NEB: variants seen among roughly 807,000 people sequenced by gnomAD.
NEB encodes the protein nemaline myopathy type 2.
NEB carries 512 observed loss-of-function variants against 952.2 expected under a neutral mutation model. The observed-to-expected ratio is 0.54, with a 90% CI of 0.50 to 0.58. The LOEUF is 0.58. Ranked by LOEUF, NEB falls within the 20% of genes least tolerant of loss-of-function variation. NEB has a pLI of 0.00. For synonymous variants in NEB, 2,900 were observed against 3,149.8 expected (o/e 0.92, Z 2.66); for missense variants, 8,428 against 9,231.1 (o/e 0.91, Z 3.56).
At position 151,490,389 on chromosome 2, in the gene NEB, A is replaced by G; in HGVS notation, c.25280T>C (p.Val8427Ala). The G allele has an allele frequency of 1.3e-6, 2 of 1,591,476 alleles. No individual in the cohort carries two copies. Among genetic ancestry groups the G allele is most frequent in the Non-Finnish European group, 1.7e-6 (2 of 1,168,014 alleles). Residue 8427 changes from valine (V) to alanine (A), a missense_variant, in exon 180 of 182, where the codon GTC becomes GCC. By Grantham distance (64) the Val-to-Ala change is moderately conservative. Coordinates refer to ENST00000397345, the MANE Select transcript of NEB (RefSeq NM_001164508.2). ...HHLSTYSDGGVFAVSTAYKHA... is the reference protein window; with the variant it reads ...HHLSTYSDGGAFAVSTAYKHA... Reference sequence around the variant, plus strand: ...ACTTGTACCTGTTGAGACTGCAAAGACACCCCCGTCGCTGTAAGTCGAAAG... The same window carrying G: ...ACTTGTACCTGTTGAGACTGCAAAGGCACCCCCGTCGCTGTAAGTCGAAAG...
At chr2:151,672,036 A>G (rs753503996) in intron 37 of NEB, among the ~76,000 whole-genome samples, 2 of 151,944 alleles carry the variant, frequency 1.3e-5, no homozygotes, top group African/African-American at 4.8e-5. Context: ...AAATTCTTCT[A>G]TTTTTGCATT....
chr2:151,551,221 A>G (rs2095314640), intron 129 of NEB, among the ~76,000 whole-genome samples: 1 of 151,828 alleles, frequency 6.6e-6, no homozygotes. Context: ...TGCCCGCCTC[A>G]GCCTCCCAAA....
At chr2:151,697,697 G>A (rs746396853) in intron 13 of NEB, 49 bp from the exon 14 acceptor site, 14 of 1,171,274 alleles carry the variant, frequency 1.2e-5, no homozygotes, top group East Asian at 4.7e-5. Flanking sequence ...TCACTCCCAC[G>A]CTGATTATAA....
intron 173 of NEB, 46 bp downstream of exon 173, chr2:151,496,230 A>AGTT: frequency 6.8e-7 from 1 of 1,467,782 alleles, no homozygotes; most frequent in East Asian, 2.4e-5. Flanking sequence ...TCATAAAAGT[A>AGTT]GTTTTTAAAA....
At chr2:151,675,903 T>A (rs192432310) in intron 34 of NEB, among the ~76,000 whole-genome samples, 24 of 152,318 alleles carry the variant, frequency 1.6e-4, no homozygotes, top group Admixed American at 3.3e-4. Context: ...AGGCTCACTA[T>A]TTCATATTTG....
At chr2:151,675,441 G>A in intron 34 of NEB, 50 bp from the exon 35 acceptor site, 1 of 1,282,978 alleles carries the variant, frequency 7.8e-7, no homozygotes. Flanking sequence ...TCTATTAATT[G>A]TTTGCTTTAA....
intron 73 of NEB, 104 bp from the exon 74 acceptor site, chr2:151,618,582 A>G: frequency 8.8e-7 from 1 of 1,131,096 alleles, no homozygotes; most frequent in South Asian, 1.4e-5. Flanking sequence ...ATGAATAGTT[A>G]AGGTTCCTAG....
rs756461553 is a variant in NEB at position 151,576,259 on chromosome 2, G to T, written c.16800C>A (p.Ile5600=). 63 of 1,611,178 alleles carry T rather than the reference G, an allele frequency of 3.9e-5. No homozygotes were observed. Among genetic ancestry groups the T allele is most frequent in the Non-Finnish European group, 5.3e-5 (63 of 1,178,222 alleles). ...EVLRVKNAQN[I]FCDSVYRTPV... ...GCGTCCGATAGACACTGTCACAAAA[G>T]ATATTCTGGGCGTTTTTGACTCTCA... The change falls in exon 106 of 182, where the codon ATC becomes ATA. Residue 5600 remains isoleucine (I), a synonymous_variant. Coordinates refer to ENST00000397345, the MANE Select transcript of NEB (RefSeq NM_001164508.2).
At chr2:151,526,109 G>A in intron 149 of NEB, 41 bp from the exon 150 acceptor site, 1 of 1,611,236 alleles carries the variant, frequency 6.2e-7, no homozygotes, top group Non-Finnish European at 8.5e-7. Context: ...CATCTGCCTG[G>A]GGCGTTCTCC....
Position 151,725,495 on chromosome 2 carries a change from T to C in NEB, c.360A>G (p.Pro120=). 2 of 1,613,760 alleles carry C rather than the reference T, an allele frequency of 1.2e-6. No homozygotes were observed. Among genetic ancestry groups the C allele is most frequent in the Non-Finnish European group, 1.7e-6 (2 of 1,179,708 alleles). The change falls in exon 6 of 182, where the codon CCA becomes CCG. Residue 120 remains proline (P), a synonymous_variant. Coordinates refer to ENST00000397345, the MANE Select transcript of NEB (RefSeq NM_001164508.2). ...GQPYASTTDT[P]ELRRIKKVQD... ...GTACTTTTTTGATTCTGCGAAGTTC[T>C]GGAGTATCTGTTGTGCTGGCGTATG...
chr2:151,641,926 T>G (rs2098861674), intron 60 of NEB, among the ~76,000 whole-genome samples: 1 of 152,170 alleles, frequency 6.6e-6, no homozygotes, highest in Non-Finnish European at 1.5e-5. Flanking sequence ...AACTGATCAT[T>G]TACGTTAGGT....
At chr2:151,715,186 G>A (rs1487353403) in intron 10 of NEB, among the ~76,000 whole-genome samples, 1 of 152,128 alleles carries the variant, frequency 6.6e-6, no homozygotes, top group Non-Finnish European at 1.5e-5. Flanking sequence ...CATATATAAT[G>A]CAAGTCATTC....
At chr2:151,544,343 T>C (rs1267504717) in intron 135 of NEB, among the ~76,000 whole-genome samples, 2 of 152,174 alleles carry the variant, frequency 1.3e-5, no homozygotes, top group East Asian at 1.9e-4. Context: ...AATTATTACT[T>C]GGTAGCTGGA....
At chr2:151,662,067 G>A (rs1462408139) in intron 46 of NEB, 68 bp downstream of exon 46, 2 of 1,389,874 alleles carry the variant, frequency 1.4e-6, no homozygotes, top group Non-Finnish European at 2.0e-6. Context: ...AAAACCTGTG[G>A]ATTAAATGTA....
At chr2:151,711,169 A>ATGTTTGTTCTGTGTTC (rs2099744075) in intron 10 of NEB, among the ~76,000 whole-genome samples, 2 of 152,128 alleles carry the variant, frequency 1.3e-5, no homozygotes, top group South Asian at 4.1e-4. Flanking sequence ...CCCAACACAA[A>ATGTTTGTTCTGTGTTC]ATGCAGCACA....
At chr2:151,552,631 G>T in intron 128 of NEB, 41 bp downstream of exon 128, 1 of 1,444,824 alleles carries the variant, frequency 6.9e-7, no homozygotes, top group Non-Finnish European at 9.7e-7. Flanking sequence ...TGGTGGCCCT[G>T]CTTTATTACT....
At chr2:151,711,440 A>C (rs1282524737) in intron 10 of NEB, among the ~76,000 whole-genome samples, 1 of 152,160 alleles carries the variant, frequency 6.6e-6, no homozygotes, top group Non-Finnish European at 1.5e-5. Flanking sequence ...GGAAAAAGAA[A>C]ATGTCTTTCT....
intron 178 of NEB, 120 bp downstream of exon 178, chr2:151,491,978 G>T: frequency 1.7e-6 from 2 of 1,142,860 alleles, no homozygotes; most frequent in Non-Finnish European, 2.5e-6. Flanking sequence ...GAGCTTTCTT[G>T]CACCTCTAGA....
At chr2:151,714,198 G>T (rs13012674) in intron 10 of NEB, among the ~76,000 whole-genome samples, 1 of 152,064 alleles carries the variant, frequency 6.6e-6, no homozygotes, top group Non-Finnish European at 1.5e-5. Flanking sequence ...ACCTACCAAA[G>T]AAGAAAACAA....
Sources: allele counts gnomAD v4.1 joint callset (sites outside exome capture counted in the v4.1 genomes callset), GRCh38; gene constraint gnomAD v4.1.1; transcripts MANE v1.5; gene names NCBI Gene and HGNC (gene_info 2026-07-23, HGNC 2026-07-21).